The following TRPM7 variants were observed in gnomAD, a reference collection of about 807,000 sequenced individuals.
TRPM7 encodes transient receptor potential cation channel subfamily M member 7, also known as LTRPC ion channel family member 7.
Under a neutral mutation model 229.7 loss-of-function variants are expected in TRPM7, and 134 were observed. The observed-to-expected ratio is 0.58, with a 90% CI of 0.51 to 0.67. The LOEUF (loss-of-function observed/expected upper bound fraction) is 0.67. TRPM7 is among the 30% of genes least tolerant of loss of function. The pLI is 0.00. For missense variants in TRPM7, 1,901 were observed against 2,210.0 expected (o/e 0.86, Z 2.80); for synonymous variants, 699 against 715.2 (o/e 0.98, Z 0.36).
intron 11 of TRPM7, among the ~76,000 whole-genome samples, chr15:50,625,048 A>G (rs1029790703): frequency 6.6e-6 from 1 of 152,216 alleles, no homozygotes; most frequent in Non-Finnish European, 1.5e-5. Context: ...TATATATTAA[A>G]GCCTATTTTA....
At chr15:50,631,587 ATATG>A (rs905065608) in intron 9 of TRPM7, 98 bp from the exon 10 acceptor site, 16 of 631,248 alleles carry the variant, frequency 2.5e-5, no homozygotes, top group Admixed American at 7.7e-5. Flanking sequence ...GGCAAAATAT[ATATG>A]TATGTATCTA....
intron 30 of TRPM7, 23 bp from the exon 31 acceptor site, chr15:50,578,687 A>G: frequency 1.3e-6 from 2 of 1,581,198 alleles, no homozygotes; most frequent in Non-Finnish European, 8.6e-7. Flanking sequence ...CAAAAAATAT[A>G]GTATAAGCTG....
chr15:50,602,822 C>T (rs1257734477), intron 21 of TRPM7, among the ~76,000 whole-genome samples: 1 of 152,164 alleles, frequency 6.6e-6, no homozygotes, highest in African/African-American at 2.4e-5. Flanking sequence ...GGAAAACACA[C>T]AATGACGGAA....
chr15:50,564,911 T>C (rs1465544979), intron 38 of TRPM7, among the ~76,000 whole-genome samples: 5 of 152,148 alleles, frequency 3.3e-5, no homozygotes, highest in Non-Finnish European at 5.9e-5. Context: ...CTCACCTTAA[T>C]TATATTGTTA....
intron 19 of TRPM7, among the ~76,000 whole-genome samples, chr15:50,608,109 AAGAC>A (rs1470893821): frequency 4.6e-5 from 7 of 151,764 alleles, no homozygotes; most frequent in East Asian, 1.9e-4. Flanking sequence ...AAGACAAGAC[AAGAC>A]AGACAGACAA....
chr15:50,678,905 G>A lies in TRPM7; in HGVS notation c.3+7626C>T, dbSNP rs148254680. On this transcript the variant is annotated intron_variant, in intron 1 of 38. Coordinates refer to ENST00000646667, the MANE Select transcript of TRPM7 (RefSeq NM_017672.6). ...AAAAATTTTTTTGAGACGAAGTCTC[G>A]CTCTGTCACCCAGGCTGGAGTGCAA... 5.3e-3 allele frequency among the ~76,000 whole-genome samples: 813 copies of A among 152,112 alleles called. 8 individuals carry two copies. Among genetic ancestry groups the A allele is most frequent in the African/African-American group, 0.019 (777 of 41,506 alleles).
In TRPM7 at chr15:50,558,248, C is replaced by T. The variant is rs2053196533; in HGVS notation, c.*3430G>A. On this transcript the variant is annotated 3_prime_UTR_variant, in exon 39 of 39. Transcript: ENST00000646667. ...TTGAGAGTCAATACAGCACATAATT[C>T]ACAGCACAGATGAGGCTGGGTGCAG... 1 of 152,076 alleles carries T rather than the reference C, an allele frequency of 6.6e-6. No homozygotes were observed. Among genetic ancestry groups the T allele is most frequent in the Non-Finnish European group, 1.5e-5 (1 of 68,014 alleles). 9.4% of individuals were successfully genotyped at this position (152,076 alleles called of 1,614,324 possible).
rs200162706 is a variant in TRPM7, at chr15:50,559,361, AT to A, written c.*2316del. 3.4e-4 allele frequency: 49 copies of A among 143,572 alleles called. No homozygotes were observed. The highest frequency in any genetic ancestry group is 3.4e-4 in the African/African-American group (13 of 38,412). 8.9% of individuals were successfully genotyped at this position (143,572 alleles called of 1,614,324 possible). The stretch of plus-strand genomic sequence containing the variant: ...CCACTGCACCTGGCCTAATTTTTGT[AT>A]TTTTTTTTTTAGCAGAGATAGGATT... On this transcript the variant is annotated 3_prime_UTR_variant, in exon 39 of 39. Coordinates refer to ENST00000646667, the MANE Select transcript of TRPM7 (RefSeq NM_017672.6).
chr15:50,642,859 G>GT (rs370619585), intron 5 of TRPM7, among the ~76,000 whole-genome samples: 2,269 of 147,020 alleles, frequency 0.015, 58 homozygotes, highest in African/African-American at 0.053. Context: ...AAAGTGTTGC[G>GT]TTTTTTTTTT....
intron 38 of TRPM7, among the ~76,000 whole-genome samples, chr15:50,563,015 T>C (rs1209643787): frequency 1.3e-5 from 2 of 152,162 alleles, no homozygotes; most frequent in African/African-American, 4.8e-5. Flanking sequence ...GCTTTGCGAA[T>C]GGTAAGAAGA....
At chr15:50,659,637 A>G (rs903168954) in intron 2 of TRPM7, among the ~76,000 whole-genome samples, 2 of 151,972 alleles carry the variant, frequency 1.3e-5, no homozygotes, top group African/African-American at 4.8e-5. Flanking sequence ...TAATAAAACT[A>G]TAGAAAATAA....
intron 6 of TRPM7, among the ~76,000 whole-genome samples, chr15:50,638,417 T>C (rs2060983519): frequency 8.4e-6 from 1 of 119,176 alleles, no homozygotes; most frequent in South Asian, 3.0e-4. Context: ...GGTGTAGTGG[T>C]GGGTGCCTGT....
chr15:50,651,992 T>C (rs537974748), intron 3 of TRPM7, among the ~76,000 whole-genome samples: 1 of 151,662 alleles, frequency 6.6e-6, no homozygotes, highest in South Asian at 2.1e-4. Context: ...AAACTAAAAA[T>C]AACAGCAAAT....
At chr15:50,591,454 T>A (rs946918383) in intron 26 of TRPM7, among the ~76,000 whole-genome samples, 1 of 151,884 alleles carries the variant, frequency 6.6e-6, no homozygotes, top group Non-Finnish European at 1.5e-5. Flanking sequence ...ATAACTCTTA[T>A]AGCCTAATTC....
At chr15:50,573,758 T>C (rs891914246) in intron 36 of TRPM7, among the ~76,000 whole-genome samples, 4 of 152,192 alleles carry the variant, frequency 2.6e-5, no homozygotes, top group African/African-American at 7.2e-5. Context: ...TGTATTATCT[T>C]AACCATAATT....
At chr15:50,673,593 C>T (rs1036058326) in intron 1 of TRPM7, among the ~76,000 whole-genome samples, 1 of 151,998 alleles carries the variant, frequency 6.6e-6, no homozygotes, top group African/African-American at 2.4e-5. Flanking sequence ...ACTGTGAATG[C>T]CATTAATTCA....
chr15:50,557,855 G>GCTGGTCTTGAACTCCTGAC lies in TRPM7; in HGVS notation c.*3804_*3822dup, dbSNP rs1378166401. The GCTGGTCTTGAACTCCTGAC allele has an allele frequency of 6.6e-6, 1 of 152,178 alleles. No homozygotes were observed. Among genetic ancestry groups the GCTGGTCTTGAACTCCTGAC allele is most frequent in the East Asian group, 1.9e-4 (1 of 5,188 alleles). The allele number at this position is 152,178 out of a possible 1,614,324, so 9.4% of individuals were successfully genotyped here. A position where few individuals can be genotyped will look rare whatever the true frequency, so the allele number is the denominator to read the frequency against. ...GACGGGGTTTCACCATGTTGGCCAG[G>GCTGGTCTTGAACTCCTGAC]CTGGTCTTGAACTCCTGACCTCAGA... On this transcript the variant is annotated 3_prime_UTR_variant, in exon 39 of 39. Coordinates refer to ENST00000646667, the MANE Select transcript of TRPM7 (RefSeq NM_017672.6).
At chr15:50,645,705 T>C (rs970532968) in intron 4 of TRPM7, among the ~76,000 whole-genome samples, 1 of 152,170 alleles carries the variant, frequency 6.6e-6, no homozygotes, top group African/African-American at 2.4e-5. Flanking sequence ...CATAAAGTAG[T>C]ATTAGAGAAG....
At chr15:50,614,047 T>C in intron 14 of TRPM7, 76 bp downstream of exon 14, 3 of 1,421,854 alleles carry the variant, frequency 2.1e-6, no homozygotes, top group East Asian at 2.3e-5. Context: ...TCCGTTCTAA[T>C]GTTAATTCTT....
Sources: allele counts gnomAD v4.1 joint callset (sites outside exome capture counted in the v4.1 genomes callset), GRCh38; gene constraint gnomAD v4.1.1; transcripts MANE v1.5; gene names NCBI Gene and HGNC (gene_info 2026-07-23, HGNC 2026-07-21).